CELF2: variants seen among roughly 807,000 people sequenced by gnomAD.
CELF2 encodes the protein CUGBP Elav-like family member 2.
CELF2 carries 8 observed loss-of-function variants against 62.6 expected under a neutral mutation model. That is an observed-to-expected ratio of 0.13 (90% CI 0.07 to 0.23). The LOEUF is 0.23. CELF2 is among the 10% of genes least tolerant of loss of function. The pLI, the probability that CELF2 is intolerant of heterozygous loss-of-function variation, is 1.00. For synonymous variants in CELF2, 258 were observed against 250.0 expected (o/e 1.03, Z -0.30); for missense variants, 333 against 671.0 (o/e 0.50, Z 5.56).
chr10:10,796,822 G>A (rs1023764606), upstream of CELF2: 30 of 863,170 alleles, frequency 3.5e-5, no homozygotes, highest in African/African-American at 1.3e-4. Flanking sequence ...ACATGATTAC[G>A]CTGTGGTCTG....
the CELF2 span, among the ~76,000 whole-genome samples, chr10:10,568,605 G>A: frequency 6.6e-6 from 1 of 152,126 alleles, no homozygotes; most frequent in African/African-American, 2.4e-5. Context: ...TTTGCCTACA[G>A]CAATACTGGT....
the CELF2 span, among the ~76,000 whole-genome samples, chr10:10,779,244 G>A: frequency 5.3e-5 from 8 of 152,312 alleles, no homozygotes; most frequent in African/African-American, 1.9e-4. Context: ...AAACTCAGGA[G>A]CCAGAAACTT....
At chr10:10,771,699 A>G in the CELF2 span, among the ~76,000 whole-genome samples, 1 of 152,130 alleles carries the variant, frequency 6.6e-6, no homozygotes, top group Non-Finnish European at 1.5e-5. Context: ...TCCACATAAG[A>G]AGGGACTTGC....
intron 2 of CELF2, among the ~76,000 whole-genome samples, chr10:11,188,272 A>G (rs1177457199): frequency 6.6e-6 from 1 of 152,050 alleles, no homozygotes; most frequent in Non-Finnish European, 1.5e-5. Flanking sequence ...CACCTGGCTA[A>G]TTTTGTATTT....
chr10:11,132,192 G>C (rs1239462225), intron 1 of CELF2, among the ~76,000 whole-genome samples: 1 of 152,210 alleles, frequency 6.6e-6, no homozygotes, highest in African/African-American at 2.4e-5. Context: ...CTACCAGTGT[G>C]TAGTCAAGAG....
At chr10:10,647,332 C>T in the CELF2 span, among the ~76,000 whole-genome samples, 3 of 152,146 alleles carry the variant, frequency 2.0e-5, no homozygotes, top group South Asian at 4.1e-4. Flanking sequence ...CCCGCCCGCT[C>T]CACATGTGGG....
the CELF2 span, among the ~76,000 whole-genome samples, chr10:10,769,932 T>C: frequency 2.6e-5 from 4 of 152,168 alleles, no homozygotes; most frequent in African/African-American, 7.2e-5. Context: ...ACTTAATTGC[T>C]GTACCACTGG....
At chr10:11,228,429 C>T (rs1447500333) in intron 3 of CELF2, among the ~76,000 whole-genome samples, 1 of 152,180 alleles carries the variant, frequency 6.6e-6, no homozygotes, top group African/African-American at 2.4e-5. Context: ...AGTGGCTACA[C>T]CTCTTAGAGA....
chr10:10,653,992 G>A, the CELF2 span, among the ~76,000 whole-genome samples: 2 of 151,626 alleles, frequency 1.3e-5, no homozygotes, highest in African/African-American at 4.8e-5. Context: ...AAGAAAAAAA[G>A]AGAGAAGAAT....
At chr10:10,922,014 G>T (rs1408004973) in intron 2 of CELF2, among the ~76,000 whole-genome samples, 1 of 152,162 alleles carries the variant, frequency 6.6e-6, no homozygotes, top group African/African-American at 2.4e-5. Flanking sequence ...CTGGAGAACA[G>T]GGGAAAGTAC....
chr10:11,040,522 C>T (rs984351720), intron 1 of CELF2, among the ~76,000 whole-genome samples: 6 of 152,042 alleles, frequency 3.9e-5, no homozygotes, highest in Admixed American at 2.6e-4. Flanking sequence ...TTCTATGTAG[C>T]GACGCACTTC....
At chr10:10,998,462 C>A (rs1444220609) in intron 2 of CELF2, among the ~76,000 whole-genome samples, 2 of 152,154 alleles carry the variant, frequency 1.3e-5, no homozygotes, top group Non-Finnish European at 2.9e-5. Context: ...TCTACCACTG[C>A]AATGTAAAAT....
In CELF2 at chr10:10,828,999, G is replaced by A. The variant is rs914155422; in HGVS notation, c.53+30182G>A. Among the ~76,000 whole-genome samples, 7 of 152,136 alleles carry A rather than the reference G, an allele frequency of 4.6e-5. No homozygotes were observed. The South Asian group carries it at 1.2e-3, about 27-fold the overall frequency. ...AATGAAAAACAGCATATATGTCCAAGACCAGAGTTTAGAAGAGGGGATCAA... is the reference window on the plus strand; with the variant it reads ...AATGAAAAACAGCATATATGTCCAAAACCAGAGTTTAGAAGAGGGGATCAA... On this transcript the variant is annotated intron_variant, in intron 1 of 13. Transcript: ENST00000636488.
In CELF2 at chr10:11,288,661, G is replaced by A. The variant is rs2091930037; in HGVS notation, c.976+109G>A. The stretch of plus-strand genomic sequence containing the variant: ...GGCTAGACGTGTCCAGGATGGAGCC[G>A]GGATACTATACTGGGCTGCTTTATG... On this transcript the variant is annotated intron_variant, in intron 9 of 12. Transcript: ENST00000633077. 9.6e-6 allele frequency: 12 copies of A among 1,244,320 alleles called. No homozygotes were observed. In the South Asian group the frequency reaches 1.2e-4, roughly 12 times the overall value. 77.1% of individuals were successfully genotyped at this position (1,244,320 alleles called of 1,614,324 possible).
chr10:10,738,829 G>A, the CELF2 span, among the ~76,000 whole-genome samples: 1 of 152,160 alleles, frequency 6.6e-6, no homozygotes, highest in East Asian at 1.9e-4. Context: ...AAGGGAAAAA[G>A]AACATTCGGT....
At chr10:11,308,543 G>T (rs779493521) in intron 9 of CELF2, among the ~76,000 whole-genome samples, 2 of 152,150 alleles carry the variant, frequency 1.3e-5, no homozygotes, top group Non-Finnish European at 2.9e-5. Flanking sequence ...GCCCTATGGT[G>T]AATTTTTCAT....
At chr10:11,041,072 G>C (rs989306023) in intron 1 of CELF2, among the ~76,000 whole-genome samples, 7 of 152,222 alleles carry the variant, frequency 4.6e-5, no homozygotes, top group Admixed American at 3.3e-4. Flanking sequence ...GGTTCTTGGT[G>C]AGGGCTCTCT....
chr10:11,113,033 G>T (rs2055619427), intron 1 of CELF2, among the ~76,000 whole-genome samples: 1 of 152,220 alleles, frequency 6.6e-6, no homozygotes, highest in Non-Finnish European at 1.5e-5. Context: ...CACACGTGTA[G>T]CCCATATCCG....
the CELF2 span, among the ~76,000 whole-genome samples, chr10:10,488,219 C>A: frequency 6.6e-6 from 1 of 152,018 alleles, no homozygotes; most frequent in Non-Finnish European, 1.5e-5. Flanking sequence ...GAGTAGTAAT[C>A]CCAATCCTTA....
Sources: gnomAD v4.1 joint callset for allele counts (sites outside exome capture counted in the v4.1 genomes callset) on GRCh38, gnomAD v4.1.1 for gene constraint, MANE v1.5 for transcripts, NCBI Gene and HGNC (gene_info 2026-07-23, HGNC 2026-07-21) for gene names.